The following LUC7L2 variants were observed in gnomAD, a reference collection of about 807,000 sequenced individuals.
LUC7L2 encodes the protein putative RNA-binding protein Luc7-like 2.
LUC7L2 carries 25 observed loss-of-function variants against 52.8 expected under a neutral mutation model. The ratio of observed to expected loss-of-function variants is 0.47; its 90% CI spans 0.34 to 0.66. LUC7L2 has a LOEUF of 0.66. Ranked by LOEUF, LUC7L2 falls within the 30% of genes least tolerant of loss-of-function variation. LUC7L2 has a pLI of 0.01. For missense variants in LUC7L2, 328 were observed against 497.8 expected (o/e 0.66, Z 3.25); for synonymous variants, 144 against 160.9 (o/e 0.89, Z 0.80).
intron 1 of LUC7L2, among the ~76,000 whole-genome samples, chr7:139,369,707 C>CGTT (rs140274527): frequency 4.0e-5 from 6 of 151,856 alleles, no homozygotes; most frequent in Non-Finnish European, 7.4e-5. Context: ...ATTTTAAAAA[C>CGTT]ATTAATCTTT....
At chr7:139,344,255 C>T (rs1052363959) in intron 1 of LUC7L2, among the ~76,000 whole-genome samples, 3 of 152,108 alleles carry the variant, frequency 2.0e-5, no homozygotes, top group African/African-American at 4.8e-5. Context: ...ATAGCCATTC[C>T]TCAGTAACTG....
At chr7:139,410,314 G>T (rs559752483) in intron 7 of LUC7L2, among the ~76,000 whole-genome samples, 78 of 151,128 alleles carry the variant, frequency 5.2e-4, no homozygotes, top group Middle Eastern at 6.8e-3. Context: ...TTTTTATGAT[G>T]TATTTTGTTA....
At chr7:139,356,613 G>A (rs1426873028), upstream of LUC7L2, among the ~76,000 whole-genome samples, 2 of 113,510 alleles carry the variant, frequency 1.8e-5, no homozygotes, top group East Asian at 2.1e-4. Context: ...GAAAACCTGC[G>A]TTAAAAAAAA....
intron 2 of LUC7L2, among the ~76,000 whole-genome samples, chr7:139,383,288 T>G (rs929751399): frequency 2.0e-5 from 3 of 151,378 alleles, no homozygotes; most frequent in Non-Finnish European, 2.9e-5. Context: ...GCTAATTTTT[T>G]TTGTATTTTT....
rs1799789539 is a variant in LUC7L2, at chr7:139,360,191, C to T, written c.-71C>T. On this transcript the variant is annotated 5_prime_UTR_variant, in exon 1 of 10. Coordinates refer to ENST00000354926, the MANE Select transcript of LUC7L2 (RefSeq NM_016019.5). ...GCAGCGCACCTTCCCCCATCCCTTC[C>T]CCTTATCCCCCAGCCCAAAAGGGCC... 2.4e-6 allele frequency: 3 copies of T among 1,240,304 alleles called. No individual in the cohort carries two copies. The highest frequency in any genetic ancestry group is 2.1e-5 in the Admixed American group (1 of 48,360). The allele number at this position is 1,240,304 out of a possible 1,614,324, so 76.8% of individuals were successfully genotyped here.
chr7:139,361,855 C>T (rs1462030483), intron 1 of LUC7L2, among the ~76,000 whole-genome samples: 6 of 152,102 alleles, frequency 3.9e-5, no homozygotes, highest in African/African-American at 1.4e-4. Flanking sequence ...TTATTTAAGA[C>T]GTGCTTTACA....
intron 2 of LUC7L2, among the ~76,000 whole-genome samples, chr7:139,376,671 GTTGATCTTAGAGTATCATCGTTT>G: frequency 1.3e-5 from 2 of 152,266 alleles, no homozygotes; most frequent in South Asian, 4.1e-4. Flanking sequence ...CTGCAGAGAT[GTTGATCTTAGAGTATCATCGTTT>G]TAATTTGGAA....
At chr7:139,405,876 T>C (rs1205911428) in intron 5 of LUC7L2, 89 bp downstream of exon 5, 11 of 1,421,786 alleles carry the variant, frequency 7.7e-6, no homozygotes, top group Non-Finnish European at 9.2e-6. Flanking sequence ...TATCTATACT[T>C]CTCTAAGAAC....
intron 9 of LUC7L2, among the ~76,000 whole-genome samples, chr7:139,419,960 A>G (rs1795813380): frequency 6.6e-6 from 1 of 152,180 alleles, no homozygotes; most frequent in Non-Finnish European, 1.5e-5. Context: ...TTATTGCTAC[A>G]TATTTGGGTT....
intron 2 of LUC7L2, among the ~76,000 whole-genome samples, chr7:139,393,429 C>T (rs1794531398): frequency 6.6e-6 from 1 of 151,668 alleles, no homozygotes; most frequent in Non-Finnish European, 1.5e-5. Context: ...GGCCCTGTCT[C>T]TAAAAAAGTA....
chr7:139,362,235 C>T (rs1346707547), intron 1 of LUC7L2, among the ~76,000 whole-genome samples: 1 of 151,982 alleles, frequency 6.6e-6, no homozygotes, highest in Non-Finnish European at 1.5e-5. Flanking sequence ...AAATATACTA[C>T]TTTCAAGGAA....
At chr7:139,359,407 C>CCGG (rs1361326231), upstream of LUC7L2, 2 of 163,820 alleles carry the variant, frequency 1.2e-5, no homozygotes, top group East Asian at 1.8e-4. Flanking sequence ...GAACGCGGCC[C>CCGG]CGGCGGCGGC....
intron 1 of LUC7L2, among the ~76,000 whole-genome samples, chr7:139,362,896 C>G (rs182544385): frequency 6.6e-6 from 1 of 152,142 alleles, no homozygotes; most frequent in East Asian, 1.9e-4. Context: ...ACTTGAATTA[C>G]ATAAAGTAGT....
At chr7:139,361,883 G>T (rs1485863323) in intron 1 of LUC7L2, among the ~76,000 whole-genome samples, 1 of 152,142 alleles carries the variant, frequency 6.6e-6, no homozygotes, top group Non-Finnish European at 1.5e-5. Flanking sequence ...TTTAATCCTT[G>T]ATGGATACCA....
intron 1 of LUC7L2, among the ~76,000 whole-genome samples, chr7:139,371,666 A>G (rs1800458300): frequency 6.6e-6 from 1 of 152,222 alleles, no homozygotes; most frequent in African/African-American, 2.4e-5. Context: ...AAGTGTTAAT[A>G]TAAGTTTCAG....
Position 139,422,799 on chromosome 7 carries a change from A to G in LUC7L2, c.*459A>G, listed in dbSNP as rs1257398598. 7.5e-6 allele frequency: 3 copies of G among 399,442 alleles called. No homozygotes were observed. The highest frequency in any genetic ancestry group is 4.4e-5 in the Admixed American group (1 of 22,788). 24.7% of individuals were successfully genotyped at this position (399,442 alleles called of 1,614,324 possible). On this transcript the variant is annotated 3_prime_UTR_variant, in exon 10 of 10. Coordinates refer to ENST00000354926, the MANE Select transcript of LUC7L2 (RefSeq NM_016019.5). ...GGGGCAGGGAAGCAATATAGCTTCC[A>G]TTCTAAGGCTGTATTCCCGTTATGA...
intron 8 of LUC7L2, chr7:139,416,720 T>G (rs928932557): frequency 6.6e-6 from 1 of 152,192 alleles, no homozygotes; most frequent in Non-Finnish European, 1.5e-5. Context: ...TTGATTACAC[T>G]GTGACTAGAC....
intron 2 of LUC7L2, among the ~76,000 whole-genome samples, chr7:139,385,150 G>T (rs1357911272): frequency 1.3e-5 from 2 of 152,030 alleles, no homozygotes; most frequent in Non-Finnish European, 2.9e-5. Flanking sequence ...GCGGACTGTA[G>T]TGTTGATGTT....
At chr7:139,354,655 C>A (rs1022934259) in intron 1 of LUC7L2, among the ~76,000 whole-genome samples, 11 of 152,292 alleles carry the variant, frequency 7.2e-5, no homozygotes, top group Non-Finnish European at 1.6e-4. Flanking sequence ...AGCCACTATA[C>A]CCTGCCAGCA....
Sources: allele counts gnomAD v4.1 joint callset (sites outside exome capture counted in the v4.1 genomes callset), GRCh38; gene constraint gnomAD v4.1.1; transcripts MANE v1.5; gene names NCBI Gene and HGNC (gene_info 2026-07-23, HGNC 2026-07-21).